The following ATP9A variants were observed in gnomAD, a reference collection of about 807,000 sequenced individuals.
ATP9A encodes ATPase phospholipid transporting 9A, also known as probable phospholipid-transporting ATPase IIA.
In ATP9A, 52 loss-of-function variants were observed where a neutral mutation model predicts 144.1. The observed-to-expected ratio is 0.36, with a 90% CI of 0.29 to 0.45. ATP9A has a LOEUF of 0.45. Among genes scored for constraint, ATP9A ranks in the 20% least tolerant of loss-of-function variants. The probability of loss-of-function intolerance (pLI) is 1.00; values close to 1 mark genes in which losing one functional copy is unlikely to be tolerated. For synonymous variants in ATP9A, 582 were observed against 557.4 expected, an observed-to-expected ratio of 1.04 and a Z score of -0.62; for missense variants, 947 against 1,392.7, an observed-to-expected ratio of 0.68 and a Z score of 5.09.
At chr20:51,745,492 C>T (rs916589848) in intron 1 of ATP9A, among the ~76,000 whole-genome samples, 1 of 151,854 alleles carries the variant, frequency 6.6e-6, no homozygotes, top group Non-Finnish European at 1.5e-5. Flanking sequence ...TTCTCAATAG[C>T]AGGGCGGGGG....
intron 4 of ATP9A, among the ~76,000 whole-genome samples, chr20:51,705,582 T>C (rs1305020467): frequency 1.3e-5 from 2 of 152,206 alleles, no homozygotes; most frequent in East Asian, 1.9e-4. Flanking sequence ...TGCCTCTGTT[T>C]GCACTTCTTT....
intron 27 of ATP9A, among the ~76,000 whole-genome samples, chr20:51,604,424 G>A (rs763746481): frequency 3.9e-5 from 6 of 152,144 alleles, no homozygotes; most frequent in African/African-American, 4.8e-5. Flanking sequence ...GCAAGGTTCT[G>A]GGGCTCGGCA....
At chr20:51,679,152 C>G (rs981130258) in intron 9 of ATP9A, among the ~76,000 whole-genome samples, 2 of 152,026 alleles carry the variant, frequency 1.3e-5, no homozygotes, top group Non-Finnish European at 2.9e-5. Flanking sequence ...GGCGAAACCC[C>G]ATCTCTACTA....
intron 14 of ATP9A, among the ~76,000 whole-genome samples, chr20:51,643,718 G>C (rs890366036): frequency 7.9e-5 from 12 of 152,166 alleles, no homozygotes; most frequent in Non-Finnish European, 1.3e-4. Flanking sequence ...TTTTGTTATA[G>C]CAGGCCATGT....
chr20:51,761,632 C>A (rs2077881092), intron 1 of ATP9A, among the ~76,000 whole-genome samples: 1 of 151,976 alleles, frequency 6.6e-6, no homozygotes, highest in African/African-American at 2.4e-5. Context: ...TGGTGACAGG[C>A]GCCTGTAGTC....
intron 15 of ATP9A, among the ~76,000 whole-genome samples, chr20:51,634,476 G>C (rs937189375): frequency 6.6e-6 from 1 of 152,174 alleles, no homozygotes; most frequent in South Asian, 2.1e-4. Context: ...CTGTGTGGGA[G>C]AGAAAGCTCC....
intron 1 of ATP9A, among the ~76,000 whole-genome samples, chr20:51,756,247 C>T (rs1456090518): frequency 6.6e-6 from 1 of 151,386 alleles, no homozygotes; most frequent in Non-Finnish European, 1.5e-5. Context: ...CCCCTGTGTC[C>T]TCACACGGTC....
At position 51,729,925 on chromosome 20, in the gene ATP9A, A is replaced by G. The variant is rs762641868; in HGVS notation, c.122T>C (p.Val41Ala). The G allele has an allele frequency of 5.0e-6, 8 of 1,603,240 alleles. No individual in the cohort carries two copies. Among genetic ancestry groups the G allele is most frequent in the Non-Finnish European group, 6.8e-6 (8 of 1,176,762 alleles). ...CGGGEARPRT[V>A]WLGHPEKRDQ... ...TCTCTTCTCGGGGTGCCCCAGCCAG[A>G]CAGTGCGGGGCCTGGCCTCCCCTCC... Residue 41 changes from valine (V) to alanine (A), a missense_variant, in exon 2 of 28, where the codon GTC (valine) becomes GCC (alanine). By Grantham distance (64) the Val-to-Ala change is moderately conservative. Transcript: ENST00000338821.
At chr20:51,657,819 G>A (rs140869796) in intron 13 of ATP9A, among the ~76,000 whole-genome samples, 1 of 152,222 alleles carries the variant, frequency 6.6e-6, no homozygotes, top group African/African-American at 2.4e-5. Context: ...GGCCGGATGG[G>A]ACTCACTGCA....
At chr20:51,649,829 C>T (rs1406615121) in intron 14 of ATP9A, among the ~76,000 whole-genome samples, 2 of 149,914 alleles carry the variant, frequency 1.3e-5, no homozygotes, top group Non-Finnish European at 3.0e-5. Context: ...AAGAGAATTG[C>T]TTGTACCTGG....
At position 51,625,330 on chromosome 20, in the gene ATP9A, G is replaced by A. The variant is rs140366000; in HGVS notation, c.1878C>T (p.His626=). 237 of 1,614,140 alleles carry A rather than the reference G, an allele frequency of 1.5e-4. 1 individual carries two copies. The African/African-American group carries it at 2.7e-3, about 18-fold the overall frequency. Residue 626 remains histidine (H), a synonymous_variant, in exon 18 of 28, where the codon CAC becomes CAT. Coordinates refer to ENST00000338821, the MANE Select transcript of ATP9A (RefSeq NM_006045.3). ...ARYVQAKLSV[H]DRSLKVATVI... ...CCGTGGCCACTTTGAGGGAGCGGTCGTGCACACTCAGCTTGGCCTGGACGT... is the reference window on the plus strand; with the variant it reads ...CCGTGGCCACTTTGAGGGAGCGGTCATGCACACTCAGCTTGGCCTGGACGT...
intron 9 of ATP9A, 49 bp from the exon 10 acceptor site, chr20:51,676,257 G>C (rs1335456425): frequency 1.4e-6 from 2 of 1,416,584 alleles, no homozygotes; most frequent in Non-Finnish European, 1.9e-6. Flanking sequence ...TATTAATACA[G>C]ACAGGCAGGC....
chr20:51,616,942 T>A (rs970289339), intron 22 of ATP9A, among the ~76,000 whole-genome samples: 4 of 65,422 alleles, frequency 6.1e-5, no homozygotes, highest in African/African-American at 2.5e-4. Context: ...TAGAGAAACT[T>A]TTTTTTTTTT....
At chr20:51,607,634 G>A (rs370337954) in intron 25 of ATP9A, 50 bp from the exon 26 acceptor site, 78 of 1,422,094 alleles carry the variant, frequency 5.5e-5, no homozygotes, top group Non-Finnish European at 7.5e-5. Context: ...GGGGGCTCAC[G>A]CAGCATGCCA....
At chr20:51,637,207 G>A (rs1203871585) in intron 15 of ATP9A, among the ~76,000 whole-genome samples, 1 of 149,680 alleles carries the variant, frequency 6.7e-6, no homozygotes. Context: ...AAAGCTACAC[G>A]GTAAATGATC....
At chr20:51,686,412 A>G (rs981738871) in intron 9 of ATP9A, among the ~76,000 whole-genome samples, 1 of 152,060 alleles carries the variant, frequency 6.6e-6, no homozygotes, top group Non-Finnish European at 1.5e-5. Flanking sequence ...AAATTTCTAT[A>G]TGGTAAAAGA....
At chr20:51,723,313 G>C (rs1235810877) in intron 3 of ATP9A, among the ~76,000 whole-genome samples, 2 of 151,976 alleles carry the variant, frequency 1.3e-5, no homozygotes, top group African/African-American at 4.8e-5. Context: ...ATACTGCTCG[G>C]GTGATGAGTG....
At chr20:51,673,859 G>A (rs1161675657) in intron 11 of ATP9A, among the ~76,000 whole-genome samples, 20 of 152,074 alleles carry the variant, frequency 1.3e-4, no homozygotes, top group Non-Finnish European at 2.6e-4. Flanking sequence ...AGACAAGCCT[G>A]GCAAACATGG....
At chr20:51,654,451 C>T (rs1186090014) in intron 14 of ATP9A, among the ~76,000 whole-genome samples, 3 of 151,468 alleles carry the variant, frequency 2.0e-5, no homozygotes, top group African/African-American at 7.3e-5. Context: ...CCCATTCTTC[C>T]TAAAATGGGT....
Sources: allele counts gnomAD v4.1 joint callset (sites outside exome capture counted in the v4.1 genomes callset), GRCh38; gene constraint gnomAD v4.1.1; transcripts MANE v1.5; gene names NCBI Gene and HGNC (gene_info 2026-07-23, HGNC 2026-07-21).